KYNU: variants seen among roughly 807,000 people sequenced by gnomAD.
KYNU encodes kynureninase.
In KYNU, 54 loss-of-function variants were observed where a neutral mutation model predicts 59.2. That is an observed-to-expected ratio of 0.91 (90% confidence interval 0.73 to 1.14). The LOEUF (loss-of-function observed/expected upper bound fraction) is 1.14, where lower values mean the gene tolerates loss of function less well. Among genes scored for constraint, KYNU ranks in the 50% most tolerant of loss-of-function variants. The pLI, the probability that KYNU is intolerant of heterozygous loss-of-function variation, is 0.00. For missense variants in KYNU, 567 were observed against 554.4 expected (o/e 1.02, Z -0.23); for synonymous variants, 177 against 192.0 (o/e 0.92, Z 0.65).
intron 2 of KYNU, among the ~76,000 whole-genome samples, chr2:142,901,308 G>A (rs1682077824): frequency 6.6e-6 from 1 of 152,132 alleles, no homozygotes; most frequent in African/African-American, 2.4e-5. Context: ...TAGCCATTCT[G>A]AGGGGAGGAA....
chr2:142,914,663 C>G (rs780591389), intron 2 of KYNU, among the ~76,000 whole-genome samples: 1 of 152,162 alleles, frequency 6.6e-6, no homozygotes, highest in Non-Finnish European at 1.5e-5. Flanking sequence ...CAAACTTTTT[C>G]ATTATTATAT....
chr2:143,015,463 A>G (rs565292065), intron 10 of KYNU, among the ~76,000 whole-genome samples: 1 of 152,254 alleles, frequency 6.6e-6, no homozygotes, highest in East Asian at 1.9e-4. Context: ...CACAGTGTCA[A>G]TGCATACAAC....
At position 143,033,289 on chromosome 2, in the gene KYNU, T is replaced by G. The variant is rs1220875148; in HGVS notation, c.1009T>G (p.Leu337Val). The stretch of plus-strand genomic sequence containing the variant: ...ATTCCGAATTTCAAATCCTCCCATT[T>G]TGTTGGTCTGTTCCTTGCATGCTAG... ...CGFRISNPPILLVCSLHASLE... is the reference protein window; with the variant it reads ...CGFRISNPPIVLVCSLHASLE... Residue 337 changes from leucine (L) to valine (V), a missense_variant, in exon 12 of 14, where the codon TTG (leucine) becomes GTG (valine). Transcript: ENST00000264170. The G allele has an allele frequency of 6.2e-7, 1 of 1,613,902 alleles. No homozygotes were observed. The highest frequency in any genetic ancestry group is 1.1e-5 in the South Asian group (1 of 91,080).
chr2:143,020,109 C>T (rs1439662790), intron 10 of KYNU, among the ~76,000 whole-genome samples: 1 of 151,494 alleles, frequency 6.6e-6, no homozygotes, highest in African/African-American at 2.4e-5. Flanking sequence ...TTGTTTTATT[C>T]TCAATTTTAT....
At chr2:142,913,901 T>C (rs966652404) in intron 2 of KYNU, among the ~76,000 whole-genome samples, 2 of 152,226 alleles carry the variant, frequency 1.3e-5, no homozygotes, top group African/African-American at 2.4e-5. Flanking sequence ...ATATTTAGGA[T>C]AGTTTAGTAT....
chr2:142,947,291 A>T lies in KYNU; in HGVS notation c.374-7519A>T, dbSNP rs144416322. The stretch of plus-strand genomic sequence containing the variant: ...AACCAGACAAATTCACTTAAAACTC[A>T]CCACTACACACCTGTGTCATAGAAG... On this transcript the variant is annotated intron_variant, in intron 4 of 13. Coordinates refer to ENST00000264170, the MANE Select transcript of KYNU (RefSeq NM_003937.3). 2.1e-6 allele frequency: 3 copies of T among 1,403,860 alleles called. No homozygotes were observed. The African/African-American group carries it at 4.3e-5, about 20-fold the overall frequency. 87.0% of individuals were successfully genotyped at this position (1,403,860 alleles called of 1,614,324 possible). A position where few individuals can be genotyped will look rare whatever the true frequency, so the allele number is the denominator to read the frequency against.
chr2:142,883,932 T>C (rs1681399108), intron 1 of KYNU, among the ~76,000 whole-genome samples: 1 of 152,174 alleles, frequency 6.6e-6, no homozygotes, highest in South Asian at 2.1e-4. Flanking sequence ...AAAGAGTAAA[T>C]AAATGTATAA....
chr2:142,962,181 A>G (rs1684377651), intron 8 of KYNU, among the ~76,000 whole-genome samples: 1 of 152,226 alleles, frequency 6.6e-6, no homozygotes, highest in Admixed American at 6.5e-5. Flanking sequence ...GTATACACGT[A>G]TGTCTCATTA....
At chr2:142,980,937 G>A (rs1420467661) in intron 8 of KYNU, among the ~76,000 whole-genome samples, 1 of 152,106 alleles carries the variant, frequency 6.6e-6, no homozygotes, top group Non-Finnish European at 1.5e-5. Flanking sequence ...CTGTAGAAAG[G>A]TTTTGGAGAA....
chr2:142,936,584 A>G (rs1174267904), intron 4 of KYNU, among the ~76,000 whole-genome samples: 6 of 152,228 alleles, frequency 3.9e-5, no homozygotes, highest in Non-Finnish European at 7.3e-5. Context: ...GAATGGGATC[A>G]GTTGGCTTAG....
intron 3 of KYNU, among the ~76,000 whole-genome samples, 183 bp from the exon 4 acceptor site, chr2:142,927,476 A>C (rs1345335383): frequency 6.6e-6 from 1 of 152,172 alleles, no homozygotes; most frequent in Non-Finnish European, 1.5e-5. Flanking sequence ...ATTTAAAAAG[A>C]GAAGTTAAAA....
intron 2 of KYNU, among the ~76,000 whole-genome samples, chr2:142,899,595 T>C (rs1216843140): frequency 6.6e-6 from 1 of 152,198 alleles, no homozygotes; most frequent in Non-Finnish European, 1.5e-5. Context: ...GGTCGTGCAA[T>C]TGAGATTTCC....
At position 143,043,496 on chromosome 2, in the gene KYNU, CAAT is replaced by C. The variant is rs1297662625; in HGVS notation, c.*1329_*1331del. 2 of 151,732 alleles carry C rather than the reference CAAT, an allele frequency of 1.3e-5. No individual in the cohort carries two copies. Among genetic ancestry groups the C allele is most frequent in the African/African-American group, 4.8e-5 (2 of 41,352 alleles). 9.4% of individuals were successfully genotyped at this position (151,732 alleles called of 1,614,324 possible). On this transcript the variant is annotated 3_prime_UTR_variant, in exon 14 of 14. Transcript: ENST00000264170. Reference sequence around the variant, plus strand: ...AAACACTTCGGATGGTAGACGTAAACAATAATATGTGGAACTCCAACATCAACA... The same window carrying C: ...AAACACTTCGGATGGTAGACGTAAACAATATGTGGAACTCCAACATCAACA...
At chr2:143,018,575 C>T (rs1686324332) in intron 10 of KYNU, among the ~76,000 whole-genome samples, 1 of 151,248 alleles carries the variant, frequency 6.6e-6, no homozygotes, top group Non-Finnish European at 1.5e-5. Flanking sequence ...TCATGTGATG[C>T]CACCAGCTTT....
rs1192966140 is a variant in KYNU, at chr2:143,044,078, A to G, written c.*1906A>G. 3 of 152,032 alleles carry G rather than the reference A, an allele frequency of 2.0e-5. No homozygotes were observed. Among genetic ancestry groups the G allele is most frequent in the Non-Finnish European group, 4.4e-5 (3 of 68,026 alleles). The allele number at this position is 152,032 out of a possible 1,614,324, so 9.4% of individuals were successfully genotyped here. A position where few individuals can be genotyped will look rare whatever the true frequency, so the allele number is the denominator to read the frequency against. On this transcript the variant is annotated 3_prime_UTR_variant, in exon 14 of 14. Transcript: ENST00000264170. ...TCAACTCTCACTTATGGGTAAGAAC[A>G]TGCAGTGTTTGATTTTCTGTTCCTC...
chr2:142,920,368 T>C (rs1682836703), intron 3 of KYNU, among the ~76,000 whole-genome samples: 1 of 152,266 alleles, frequency 6.6e-6, no homozygotes. Context: ...AGAGGGCAGA[T>C]AATTAGATTG....
At chr2:142,986,090 T>G (rs1021978439) in intron 10 of KYNU, 69 bp downstream of exon 10, 4 of 1,061,924 alleles carry the variant, frequency 3.8e-6, no homozygotes, top group African/African-American at 3.1e-5. Flanking sequence ...ATGTTAAATT[T>G]ACATGAGTTC....
chr2:143,005,997 G>A (rs1156285711), intron 10 of KYNU, among the ~76,000 whole-genome samples: 1 of 152,154 alleles, frequency 6.6e-6, no homozygotes, highest in Non-Finnish European at 1.5e-5. Flanking sequence ...GGCTCTGGGA[G>A]GAAATATCCA....
intron 10 of KYNU, among the ~76,000 whole-genome samples, chr2:142,988,557 T>C (rs951883679): frequency 3.3e-5 from 5 of 151,968 alleles, no homozygotes; most frequent in African/African-American, 1.2e-4. Flanking sequence ...TGGCTGTTTA[T>C]TTTGTGTGTG....
Sources: allele counts gnomAD v4.1 joint callset (sites outside exome capture counted in the v4.1 genomes callset), GRCh38; gene constraint gnomAD v4.1.1; transcripts MANE v1.5; gene names NCBI Gene and HGNC (gene_info 2026-07-23, HGNC 2026-07-21).